PTOV1: variants seen among roughly 807,000 people sequenced by gnomAD.
The protein encoded by PTOV1 is prostate tumor-overexpressed gene 1 protein.
In PTOV1, 20 loss-of-function variants were observed where a neutral mutation model predicts 58.0. The observed-to-expected ratio is 0.34, with a 90% CI of 0.24 to 0.50. PTOV1 has a LOEUF of 0.50. Among genes scored for constraint, PTOV1 ranks in the 20% least tolerant of loss-of-function variants. The pLI is 0.98. For synonymous variants in PTOV1, 335 were observed against 234.2 expected, an observed-to-expected ratio of 1.43 and a Z score of -3.93; for missense variants, 593 against 565.4, an observed-to-expected ratio of 1.05 and a Z score of -0.50.
chr19:49,854,696 C>T (rs1035289193), exon 3 of PTOV1: 34 of 1,613,386 alleles, frequency 2.1e-5, no homozygotes, highest in Non-Finnish European at 2.8e-5. Context: ...TGAAGCGGAC[C>T]CTGCCCTGCC....
chr19:49,851,078 G>A, upstream of PTOV1: 1 of 1,452,736 alleles, frequency 6.9e-7, no homozygotes, highest in Non-Finnish European at 9.0e-7. Context: ...CCCGGGCCCC[G>A]CTCCCCCGCG....
intron 10 of PTOV1, chr19:49,859,066 C>A (rs2074617310): frequency 6.2e-6 from 1 of 161,552 alleles, no homozygotes; most frequent in Non-Finnish European, 1.3e-5. Flanking sequence ...TCAGCTGACT[C>A]CTCTTCTCTC....
chr19:49,851,779 G>A lies in PTOV1; in HGVS notation c.171+280G>A, dbSNP rs1346447685. On this transcript the variant is annotated intron_variant, in intron 1 of 11. Coordinates refer to ENST00000391842, the Ensembl canonical transcript of PTOV1. ...CGCGGCCCGATTTAAACGCGGGCTGGGGGCGGCAGACAGGCAGCCGGCACG... is the reference window on the plus strand; with the variant it reads ...CGCGGCCCGATTTAAACGCGGGCTGAGGGCGGCAGACAGGCAGCCGGCACG... 29 of 1,056,288 alleles carry A rather than the reference G, an allele frequency of 2.7e-5. 1 individual carries two copies. In the South Asian group the frequency reaches 1.1e-3, roughly 40 times the overall value. 65.4% of individuals were successfully genotyped at this position (1,056,288 alleles called of 1,614,324 possible). A position where few individuals can be genotyped will look rare whatever the true frequency, so the allele number is the denominator to read the frequency against.
At chr19:49,857,619 G>A (rs1899749526) in intron 6 of PTOV1, 74 bp from the exon 7 acceptor site, 6 of 1,395,788 alleles carry the variant, frequency 4.3e-6, no homozygotes, top group Non-Finnish European at 6.0e-6. Flanking sequence ...AGGGAGGGAT[G>A]GCAGGCCCCA....
exon 12 of PTOV1, chr19:49,860,389 G>GCCCGGGGGGGC: frequency 8.3e-7 from 1 of 1,203,046 alleles, no homozygotes; most frequent in East Asian, 2.7e-5. Context: ...TGTGGGGGGG[G>GCCCGGGGGGGC]TGGGGTTGGG....
chr19:49,851,240 G>A, exon 1 of PTOV1: 2 of 1,121,082 alleles, frequency 1.8e-6, no homozygotes, highest in African/African-American at 3.3e-5. Context: ...CCGAAGCCGC[G>A]CGCCCGCGCC....
At position 49,856,963 on chromosome 19, in the gene PTOV1, C is replaced by T. The variant is rs377241124; in HGVS notation, c.559-12C>T. 94 of 1,611,912 alleles carry T rather than the reference C, an allele frequency of 5.8e-5. No individual in the cohort carries two copies. In the African/African-American group the frequency reaches 6.8e-4, roughly 12 times the overall value. On this transcript the variant is annotated splice_polypyrimidine_tract_variant and intron_variant, in intron 5 of 11. Transcript: ENST00000391842. ...GCAGTGACCACAGGGTCCTGACCCGCGGCCCCCGCAGGCGGGCTGCATGCT... is the reference window on the plus strand; with the variant it reads ...GCAGTGACCACAGGGTCCTGACCCGTGGCCCCCGCAGGCGGGCTGCATGCT...
At chr19:49,858,772 G>C (rs904117187) in intron 10 of PTOV1, 119 bp downstream of exon 10, 5 of 874,268 alleles carry the variant, frequency 5.7e-6, no homozygotes, top group Non-Finnish European at 7.2e-6. Context: ...GCTGGGGAGA[G>C]AGGGTGGCTA....
Position 49,851,721 on chromosome 19 carries a change from G to GGGGGC in PTOV1, c.171+231_171+235dup. 3.5e-6 allele frequency: 4 copies of GGGGGC among 1,129,402 alleles called. 1 individual carries two copies. The highest frequency in any genetic ancestry group is 4.3e-6 in the Non-Finnish European group (4 of 922,456). 70.0% of individuals were successfully genotyped at this position (1,129,402 alleles called of 1,614,324 possible). A position where few individuals can be genotyped will look rare whatever the true frequency, so the allele number is the denominator to read the frequency against. ...GGGCCGGGGTGGGGGGTTGGGGGAC[G>GGGGGC]GGGGCGGGGCGGGCTCATATTACTG... On this transcript the variant is annotated intron_variant, in intron 1 of 11. Transcript: ENST00000391842.
chr19:49,854,913 T>TCCCCC (rs1568641067), intron 4 of PTOV1, 25 bp downstream of exon 4: 3 of 1,571,544 alleles, frequency 1.9e-6, no homozygotes, highest in African/African-American at 1.4e-5. Flanking sequence ...TCCCACCCCA[T>TCCCCC]CCACTCTGAG....
At chr19:49,853,114 T>G (rs940539675) in intron 1 of PTOV1, 1 of 152,070 alleles carries the variant, frequency 6.6e-6, no homozygotes, top group African/African-American at 2.4e-5. Flanking sequence ...TTCAGGTTTT[T>G]CTCTTTTTAA....
chr19:49,853,287 T>C (rs940798587), intron 1 of PTOV1: 4 of 152,208 alleles, frequency 2.6e-5, no homozygotes, highest in Admixed American at 6.5e-5. Context: ...ACGGGGAAAC[T>C]CTCGTGGGTT....
chr19:49,855,196 G>A (rs989481287), intron 5 of PTOV1, 119 bp downstream of exon 5: 1 of 957,272 alleles, frequency 1.0e-6, no homozygotes, highest in African/African-American at 1.6e-5. Flanking sequence ...GGTAGCCCTC[G>A]TGGCCTCTCG....
intron 10 of PTOV1, 71 bp from the exon 11 acceptor site, chr19:49,859,915 A>C: frequency 1.3e-6 from 2 of 1,536,248 alleles, no homozygotes; most frequent in Non-Finnish European, 1.8e-6. Context: ...AGCCCACGGC[A>C]TGATGCCGTG....
upstream of PTOV1, chr19:49,850,852 C>T (rs774953925): frequency 6.5e-7 from 1 of 1,535,236 alleles, no homozygotes. Flanking sequence ...TTGGCGCGGT[C>T]TCCTGGCTCT....
intron 1 of PTOV1, chr19:49,852,113 G>A (rs917553137): frequency 1.0e-6 from 1 of 977,146 alleles, no homozygotes; most frequent in African/African-American, 1.8e-5. Flanking sequence ...AGATGCACAT[G>A]CTTTTCAGAA....
chr19:49,853,621 A>AC (rs1471186908), intron 1 of PTOV1, among the ~76,000 whole-genome samples: 1 of 151,910 alleles, frequency 6.6e-6, no homozygotes, highest in African/African-American at 2.4e-5. Context: ...GTCTCAAAAA[A>AC]AAAATAGTAA....
intron 10 of PTOV1, 123 bp downstream of exon 10, chr19:49,858,776 G>A (rs1296141025): frequency 3.6e-6 from 3 of 823,384 alleles, no homozygotes; most frequent in African/African-American, 1.7e-5. Flanking sequence ...GGGAGAGAGG[G>A]TGGCTAGTGT....
exon 6 of PTOV1, chr19:49,857,061 G>A: frequency 6.2e-7 from 1 of 1,614,102 alleles, no homozygotes; most frequent in South Asian, 1.1e-5. Flanking sequence ...AGATCTTCAT[G>A]GGCCTCATCC....
Sources: gnomAD v4.1 joint callset for allele counts (sites outside exome capture counted in the v4.1 genomes callset) on GRCh38, gnomAD v4.1.1 for gene constraint, MANE v1.5 for transcripts, NCBI Gene and HGNC (gene_info 2026-07-23, HGNC 2026-07-21) for gene names.